Variants in NKAIN2 observed in about 807,000 individuals in gnomAD.
NKAIN2 encodes the protein sodium/potassium transporting ATPase interacting 2.
Under a neutral mutation model 32.6 loss-of-function variants are expected in NKAIN2, and 14 were observed. The ratio of observed to expected loss-of-function variants is 0.43; its 90% confidence interval spans 0.28 to 0.67. The LOEUF (loss-of-function observed/expected upper bound fraction) is 0.67, where lower values mean the gene tolerates loss of function less well. Ranked by LOEUF, NKAIN2 falls within the 30% of genes least tolerant of loss-of-function variation. The pLI is 0.17. For synonymous variants in NKAIN2, 80 were observed against 87.2 expected (o/e 0.92, Z 0.46); for missense variants, 198 against 258.3 (o/e 0.77, Z 1.60).
chr6:124,522,138 C>A (rs1224731578), intron 3 of NKAIN2, among the ~76,000 whole-genome samples: 1 of 152,008 alleles, frequency 6.6e-6, no homozygotes, highest in Non-Finnish European at 1.5e-5. Flanking sequence ...TGTAGAATTG[C>A]TATAATCTAT....
chr6:124,597,138 C>T (rs1782125184), intron 3 of NKAIN2, among the ~76,000 whole-genome samples: 1 of 152,120 alleles, frequency 6.6e-6, no homozygotes, highest in African/African-American at 2.4e-5. Context: ...CTCACAGACA[C>T]ACCTACAAAT....
chr6:123,977,843 A>G lies in NKAIN2; in HGVS notation c.54+173589A>G, dbSNP rs1469294401. Among the ~76,000 whole-genome samples the G allele has an allele frequency of 2.0e-5, 3 of 152,244 alleles. No individual in the cohort carries two copies. In the East Asian group the frequency reaches 5.8e-4, roughly 29 times the overall value. ...GTCTTGATTCATTTGTTCTCCTTTTATCTTAACTTTCATGGATGAAAGCAC... is the reference window on the plus strand; with the variant it reads ...GTCTTGATTCATTTGTTCTCCTTTTGTCTTAACTTTCATGGATGAAAGCAC... On this transcript the variant is annotated intron_variant, in intron 1 of 6. Coordinates refer to ENST00000368417, the MANE Select transcript of NKAIN2 (RefSeq NM_001040214.3).
At chr6:124,662,169 T>C (rs1250708947) in intron 4 of NKAIN2, among the ~76,000 whole-genome samples, 1 of 152,224 alleles carries the variant, frequency 6.6e-6, no homozygotes, top group Non-Finnish European at 1.5e-5. Flanking sequence ...ATTGATTAGC[T>C]ATGTCTGCCA....
intron 3 of NKAIN2, among the ~76,000 whole-genome samples, chr6:124,409,561 A>T (rs1433905921): frequency 6.6e-6 from 1 of 152,146 alleles, no homozygotes; most frequent in Non-Finnish European, 1.5e-5. Context: ...ATCATGGTGG[A>T]TAAGCTTTTT....
chr6:124,493,819 A>C lies in NKAIN2; in HGVS notation c.273+138472A>C, dbSNP rs1294659622. Among the ~76,000 whole-genome samples, 3 of 151,432 alleles carry C rather than the reference A, an allele frequency of 2.0e-5. No homozygotes were observed. The East Asian group carries it at 5.8e-4, about 29-fold the overall frequency. ...CTGGCCACTCATCTTCCCCATTCCC[A>C]AAACCCACAACTCATGACTGGTTGA... On this transcript the variant is annotated intron_variant, in intron 3 of 6. Coordinates refer to ENST00000368417, the MANE Select transcript of NKAIN2 (RefSeq NM_001040214.3).
chr6:124,158,728 A>G (rs752554727), intron 1 of NKAIN2, among the ~76,000 whole-genome samples: 28 of 152,206 alleles, frequency 1.8e-4, no homozygotes, highest in Admixed American at 3.3e-4. Flanking sequence ...AGAGACATCC[A>G]GTTAGACAAA....
intron 3 of NKAIN2, among the ~76,000 whole-genome samples, chr6:124,484,783 A>G (rs560918355): frequency 1.3e-5 from 2 of 152,156 alleles, no homozygotes; most frequent in East Asian, 3.9e-4. Context: ...GTATGAATAA[A>G]TGTATGTTTA....
intron 4 of NKAIN2, among the ~76,000 whole-genome samples, chr6:124,671,917 C>T (rs1254691659): frequency 6.6e-6 from 1 of 151,778 alleles, no homozygotes; most frequent in Non-Finnish European, 1.5e-5. Flanking sequence ...TGAGGTCATT[C>T]TAAGTACAGA....
chr6:124,787,261 C>A (rs994700675), intron 4 of NKAIN2, among the ~76,000 whole-genome samples: 2 of 152,040 alleles, frequency 1.3e-5, no homozygotes, highest in African/African-American at 4.8e-5. Context: ...GTACAACAAA[C>A]CCCCATGACA....
chr6:124,118,371 A>G (rs541873312), intron 1 of NKAIN2, among the ~76,000 whole-genome samples: 1 of 152,334 alleles, frequency 6.6e-6, no homozygotes, highest in South Asian at 2.1e-4. Flanking sequence ...ATGCTCTGCA[A>G]TGTAAATTGG....
intron 1 of NKAIN2, among the ~76,000 whole-genome samples, chr6:124,075,617 A>G (rs1783662015): frequency 6.6e-6 from 1 of 152,122 alleles, no homozygotes; most frequent in Non-Finnish European, 1.5e-5. Flanking sequence ...TTATTTAGAG[A>G]CGGAGTCTTG....
At chr6:124,742,470 C>A (rs929463407) in intron 4 of NKAIN2, among the ~76,000 whole-genome samples, 1 of 151,716 alleles carries the variant, frequency 6.6e-6, no homozygotes, top group Non-Finnish European at 1.5e-5. Context: ...TCACTATCAC[C>A]CCCCACCCCA....
At chr6:124,754,726 C>T (rs748336909) in intron 4 of NKAIN2, among the ~76,000 whole-genome samples, 2 of 152,104 alleles carry the variant, frequency 1.3e-5, no homozygotes, top group Non-Finnish European at 2.9e-5. Context: ...GACAGTGTGG[C>T]GATTCCTCAA....
intron 1 of NKAIN2, among the ~76,000 whole-genome samples, chr6:124,023,513 C>A (rs1357333622): frequency 6.6e-6 from 1 of 152,024 alleles, no homozygotes; most frequent in African/African-American, 2.4e-5. Flanking sequence ...TGAAAGCCTA[C>A]CTTTGTTCAT....
Position 124,298,251 on chromosome 6 carries a change from G to A in NKAIN2, c.192+15109G>A, listed in dbSNP as rs117949621. On this transcript the variant is annotated intron_variant, in intron 2 of 6. Coordinates refer to ENST00000368417, the MANE Select transcript of NKAIN2 (RefSeq NM_001040214.3). ...AGAACTTTTTTTTAATGTTTTTTAT[G>A]TATTGCCTTCTCACAAATCTCTATA... Among the ~76,000 whole-genome samples the A allele has an allele frequency of 6.8e-4, 104 of 151,968 alleles. No individual in the cohort carries two copies. The East Asian group carries it at 0.018, about 27-fold the overall frequency.
At chr6:124,555,205 A>T (rs1780428389) in intron 3 of NKAIN2, among the ~76,000 whole-genome samples, 1 of 152,158 alleles carries the variant, frequency 6.6e-6, no homozygotes, top group African/African-American at 2.4e-5. Flanking sequence ...GTGCAAGGTT[A>T]TGCCAGGTGG....
chr6:124,033,503 T>C (rs550711255), intron 1 of NKAIN2, among the ~76,000 whole-genome samples: 1 of 152,130 alleles, frequency 6.6e-6, no homozygotes, highest in Non-Finnish European at 1.5e-5. Context: ...CAGTTATAAA[T>C]GTACTTTCTA....
chr6:124,266,196 T>A (rs1424941265), intron 1 of NKAIN2, among the ~76,000 whole-genome samples: 1 of 152,208 alleles, frequency 6.6e-6, no homozygotes, highest in East Asian at 1.9e-4. Flanking sequence ...TGACAAATAA[T>A]TTCCTATAAG....
chr6:124,276,843 C>G (rs1043398431), intron 1 of NKAIN2, among the ~76,000 whole-genome samples: 3 of 152,136 alleles, frequency 2.0e-5, no homozygotes, highest in Non-Finnish European at 4.4e-5. Flanking sequence ...CCAGAGCGTG[C>G]TCAAGACTAC....
Sources: gnomAD v4.1 joint callset for allele counts (sites outside exome capture counted in the v4.1 genomes callset) on GRCh38, gnomAD v4.1.1 for gene constraint, MANE v1.5 for transcripts, NCBI Gene and HGNC (gene_info 2026-07-23, HGNC 2026-07-21) for gene names.